PSD3: variants seen among roughly 807,000 people sequenced by gnomAD.
PSD3 encodes the protein pleckstrin and Sec7 domain containing 3, also known as PH and SEC7 domain-containing protein 3.
In PSD3, 49 loss-of-function variants were observed where a neutral mutation model predicts 105.5. The ratio of observed to expected loss-of-function variants is 0.46; its 90% CI spans 0.37 to 0.59. The LOEUF is 0.59. Among genes scored for constraint, PSD3 ranks in the 20% least tolerant of loss-of-function variants. The pLI, the probability that PSD3 is intolerant of heterozygous loss-of-function variation, is 0.00. For missense variants in PSD3, 1,561 were observed against 1,263.8 expected (o/e 1.24, Z -3.57); for synonymous variants, 557 against 457.8 (o/e 1.22, Z -2.77).
chr8:19,032,461 A>G (rs533936768), intron 1 of PSD3, among the ~76,000 whole-genome samples: 1 of 152,070 alleles, frequency 6.6e-6, no homozygotes, highest in South Asian at 2.1e-4. Context: ...TGGGTCTTGA[A>G]CTGGTAGTGA....
intron 9 of PSD3, among the ~76,000 whole-genome samples, chr8:18,662,717 C>T (rs1353574141): frequency 6.6e-6 from 1 of 152,192 alleles, no homozygotes; most frequent in Non-Finnish European, 1.5e-5. Flanking sequence ...CCTTAGCTAT[C>T]ACCCAGCCAA....
chr8:18,889,250 T>C (rs1021583461), intron 2 of PSD3, among the ~76,000 whole-genome samples: 7 of 152,144 alleles, frequency 4.6e-5, no homozygotes, highest in South Asian at 2.1e-4. Flanking sequence ...AACTCCTCAA[T>C]TGTTTTGTTT....
chr8:18,538,072 T>A (rs1251398898), intron 15 of PSD3, among the ~76,000 whole-genome samples: 1 of 152,194 alleles, frequency 6.6e-6, no homozygotes, highest in Non-Finnish European at 1.5e-5. Flanking sequence ...TAGGACAACA[T>A]GCTGCACCTG....
chr8:18,739,997 C>A (rs1021343584), intron 9 of PSD3, among the ~76,000 whole-genome samples: 3 of 152,260 alleles, frequency 2.0e-5, no homozygotes, highest in South Asian at 4.2e-4. Context: ...TCTGGGATAA[C>A]AGACTGCGTA....
Position 18,600,440 on chromosome 8 carries a change from A to T in PSD3, c.2411-6T>A. On this transcript the variant is annotated splice_region_variant and splice_polypyrimidine_tract_variant and intron_variant, in intron 11 of 15. Transcript: ENST00000327040. Reference sequence around the variant, plus strand: ...TCCTCGTTTTCCTCTTGGAGCTAGAAAGGGGGAAAAAATGTAAAATTTTAT... The same window carrying T: ...TCCTCGTTTTCCTCTTGGAGCTAGATAGGGGGAAAAAATGTAAAATTTTAT... 1 of 1,591,256 alleles carries T rather than the reference A, an allele frequency of 6.3e-7. No homozygotes were observed. The highest frequency in any genetic ancestry group is 8.5e-7 in the Non-Finnish European group (1 of 1,169,774).
intron 13 of PSD3, 53 bp downstream of exon 13, chr8:18,575,072 AAAG>A: frequency 6.5e-7 from 1 of 1,530,866 alleles, no homozygotes; most frequent in Non-Finnish European, 8.8e-7. Flanking sequence ...TCCTTGCAAT[AAAG>A]TAGTGCTAAG....
chr8:18,946,232 A>G (rs1822847053), intron 1 of PSD3, among the ~76,000 whole-genome samples: 1 of 152,154 alleles, frequency 6.6e-6, no homozygotes, highest in Non-Finnish European at 1.5e-5. Context: ...TTTATCTGGC[A>G]ATAAAGAGGA....
At chr8:18,591,616 G>C (rs943629631) in intron 12 of PSD3, among the ~76,000 whole-genome samples, 6 of 152,164 alleles carry the variant, frequency 3.9e-5, no homozygotes, top group African/African-American at 7.2e-5. Context: ...GAACAGAGTA[G>C]AGAGACAGGT....
chr8:18,586,822 G>T (rs1373553595), intron 12 of PSD3, among the ~76,000 whole-genome samples: 2 of 152,176 alleles, frequency 1.3e-5, no homozygotes, highest in Non-Finnish European at 2.9e-5. Flanking sequence ...AAGTTAACTG[G>T]AAGCCCTTGG....
At position 19,005,540 on chromosome 8, in the gene PSD3, A is replaced by G. The variant is rs138559497; in HGVS notation, c.21+8023T>C. Among the ~76,000 whole-genome samples the G allele has an allele frequency of 4.2e-4, 64 of 152,036 alleles. 1 individual carries two copies. Among genetic ancestry groups the G allele is most frequent in the African/African-American group, 1.4e-3 (60 of 41,504 alleles). Reference sequence around the variant, plus strand: ...CTGTCACTCAGACTAGAGCACAGCGATGCAATCACGACACACTGCATGCAG... The same window carrying G: ...CTGTCACTCAGACTAGAGCACAGCGGTGCAATCACGACACACTGCATGCAG... On this transcript the variant is annotated intron_variant, in intron 1 of 15. Coordinates refer to ENST00000327040, the MANE Select transcript of PSD3 (RefSeq NM_015310.4).
At chr8:18,690,601 G>T (rs916785520) in intron 9 of PSD3, among the ~76,000 whole-genome samples, 1 of 152,128 alleles carries the variant, frequency 6.6e-6, no homozygotes, top group South Asian at 2.1e-4. Flanking sequence ...CCTGATACAG[G>T]CTCCACTGCC....
chr8:18,707,215 C>A (rs1414495450), intron 9 of PSD3, among the ~76,000 whole-genome samples: 1 of 152,166 alleles, frequency 6.6e-6, no homozygotes, highest in Non-Finnish European at 1.5e-5. Context: ...TCACCCTCTT[C>A]CCCTTTCCAG....
intron 4 of PSD3, among the ~76,000 whole-genome samples, chr8:18,846,345 G>T (rs1815089115): frequency 6.6e-6 from 1 of 152,236 alleles, no homozygotes; most frequent in Non-Finnish European, 1.5e-5. Context: ...AACAGAGGCT[G>T]TGGGGCTACG....
chr8:19,080,529 G>C (rs1362052737), intron 1 of PSD3, among the ~76,000 whole-genome samples: 1 of 152,220 alleles, frequency 6.6e-6, no homozygotes, highest in African/African-American at 2.4e-5. Context: ...GTCTGCACAT[G>C]AGAAAATAGA....
chr8:18,894,607 G>C (rs192364049), intron 2 of PSD3, among the ~76,000 whole-genome samples: 4 of 152,294 alleles, frequency 2.6e-5, no homozygotes, highest in Admixed American at 2.6e-4. Flanking sequence ...AGAACAAGGA[G>C]AGATGAAAGC....
At chr8:18,944,273 T>C (rs961102591) in intron 1 of PSD3, among the ~76,000 whole-genome samples, 1 of 152,118 alleles carries the variant, frequency 6.6e-6, no homozygotes, top group Non-Finnish European at 1.5e-5. Flanking sequence ...TAAGTTGACT[T>C]AAAAAGTTTA....
rs185207855 is a variant in PSD3, at chr8:18,945,941, C to T, written c.22-9799G>A. Among the ~76,000 whole-genome samples, 57 of 152,284 alleles carry T rather than the reference C, an allele frequency of 3.7e-4. No individual in the cohort carries two copies. The East Asian group carries it at 0.011, about 28-fold the overall frequency. On this transcript the variant is annotated intron_variant, in intron 1 of 15. Coordinates refer to ENST00000327040, the MANE Select transcript of PSD3 (RefSeq NM_015310.4). ...GTGAGCCGAGATCGCGCCATGCACT[C>T]CAGCCTGGGCGAAAGAGTGAGACTC...
intron 15 of PSD3, among the ~76,000 whole-genome samples, chr8:18,547,829 A>G (rs775594765): frequency 4.6e-5 from 7 of 152,146 alleles, no homozygotes; most frequent in Non-Finnish European, 1.0e-4. Context: ...CTGGATATTC[A>G]TATCTTTCTC....
chr8:18,871,723 G>A lies in PSD3; in HGVS notation c.1141C>T (p.Pro381Ser), dbSNP rs201695976. The A allele has an allele frequency of 3.3e-5, 54 of 1,614,122 alleles. No homozygotes were observed. In the Admixed American group the frequency reaches 6.5e-4, roughly 19 times the overall value. The change falls in exon 3 of 16, where the codon CCT (proline) becomes TCT (serine). Residue 381 changes from proline (P) to serine (S), a missense_variant. Transcript: ENST00000327040. ...TCTCCACTCTCATCAAGACGCACAG[G>A]GGAAAATGTCCCCGAGCTAGTGCCA... is the stretch of plus-strand genomic sequence containing the variant. ...RPGTSSGTFS[P>S]VRLDESGEDE... is the part of the protein sequence containing the mutation.
Sources: gnomAD v4.1 joint callset for allele counts (sites outside exome capture counted in the v4.1 genomes callset) on GRCh38, gnomAD v4.1.1 for gene constraint, MANE v1.5 for transcripts, NCBI Gene and HGNC (gene_info 2026-07-23, HGNC 2026-07-21) for gene names.